PTGIS: variants seen among roughly 807,000 people sequenced by gnomAD.
PTGIS encodes prostacyclin synthase.
A neutral mutation model predicts 50.3 loss-of-function variants in PTGIS; 45 were observed. The observed-to-expected ratio is 0.90, with a 90% CI of 0.70 to 1.15. PTGIS has a LOEUF of 1.15. Among genes scored for constraint, PTGIS ranks in the 50% most tolerant of loss-of-function variants. The pLI is 0.00. For synonymous variants in PTGIS, 260 were observed against 267.7 expected, an observed-to-expected ratio of 0.97 and a Z score of 0.28; for missense variants, 668 against 661.3, an observed-to-expected ratio of 1.01 and a Z score of -0.11.
chr20:49,524,650 C>T (rs1003442310), intron 5 of PTGIS, among the ~76,000 whole-genome samples: 1 of 152,104 alleles, frequency 6.6e-6, no homozygotes, highest in African/African-American at 2.4e-5. Flanking sequence ...TTAATGGACT[C>T]ACAGTTCCAT....
chr20:49,554,935 A>G (rs1354677824), intron 1 of PTGIS, among the ~76,000 whole-genome samples: 1 of 152,204 alleles, frequency 6.6e-6, no homozygotes, highest in Non-Finnish European at 1.5e-5. Context: ...TGTATTTATT[A>G]GAGCTTATTA....
intron 1 of PTGIS, among the ~76,000 whole-genome samples, chr20:49,562,594 G>A (rs1386424721): frequency 2.6e-5 from 4 of 152,288 alleles, no homozygotes; most frequent in South Asian, 2.1e-4. Flanking sequence ...TTTAGGTACT[G>A]CCAGGCCCTG....
chr20:49,512,561 C>G (rs1205719504), intron 8 of PTGIS, among the ~76,000 whole-genome samples: 2 of 152,248 alleles, frequency 1.3e-5, no homozygotes, highest in East Asian at 1.9e-4. Context: ...AGTTTAGGGT[C>G]TGACACACAG....
rs542021244 is a variant in PTGIS at position 49,510,073 on chromosome 20, G to C, written c.1358+955C>G. ...CCGGCCAATTTTTGTATTTTTAGTA[G>C]AGACGGGGTTTCACCATGTTGGCTA... is the stretch of plus-strand genomic sequence containing the variant. On this transcript the variant is annotated intron_variant, in intron 9 of 9. Coordinates refer to ENST00000244043, the MANE Select transcript of PTGIS (RefSeq NM_000961.4). Among the ~76,000 whole-genome samples, 249 of 151,640 alleles carry C rather than the reference G, an allele frequency of 1.6e-3. 1 individual carries two copies. Among genetic ancestry groups the C allele is most frequent in the Non-Finnish European group, 3.0e-3 (203 of 67,944 alleles).
chr20:49,519,040 T>A (rs1052962211), intron 6 of PTGIS, among the ~76,000 whole-genome samples: 1 of 152,124 alleles, frequency 6.6e-6, no homozygotes, highest in African/African-American at 2.4e-5. Context: ...AGGGACATCA[T>A]GTCAATCAAT....
rs147534709 is a variant in PTGIS, at chr20:49,514,357, G to T, written c.894C>A (p.Phe298Leu). Residue 298 changes from phenylalanine to leucine, a missense_variant, in exon 7 of 10, where the codon TTC becomes TTA. By Grantham distance (22) the Phe-to-Leu change is conservative. Transcript: ENST00000244043. ...CCAGGGCTTCAGGATTCTTGAGAAG[G>T]AAGAGCAGGAGCCAGAAGGCAGCGG... is the stretch of plus-strand genomic sequence containing the variant. ...MGPAAFWLLL[F>L]LLKNPEALAA... The T allele has an allele frequency of 1.2e-6, 2 of 1,613,956 alleles. No homozygotes were observed. Among genetic ancestry groups the T allele is most frequent in the East Asian group, 2.2e-5 (1 of 44,898 alleles).
intron 2 of PTGIS, 110 bp from the exon 3 acceptor site, chr20:49,548,129 C>G: frequency 9.9e-7 from 1 of 1,009,326 alleles, no homozygotes; most frequent in Non-Finnish European, 1.5e-6. Flanking sequence ...GACAGTAACA[C>G]ACTATGTTCT....
rs1316831957 is a variant in PTGIS, at chr20:49,505,816, C to T, written c.*2104G>A. On this transcript the variant is annotated 3_prime_UTR_variant, in exon 10 of 10. Coordinates refer to ENST00000244043, the MANE Select transcript of PTGIS (RefSeq NM_000961.4). ...GGGTTTCCCTGGGGATATCCTGCCT[C>T]CTGCCAATCACAGCGTCTCTCTGGG... The T allele has an allele frequency of 1.3e-5, 2 of 152,518 alleles. No homozygotes were observed. The highest frequency in any genetic ancestry group is 6.5e-5 in the Admixed American group (1 of 15,276). 9.4% of individuals were successfully genotyped at this position (152,518 alleles called of 1,614,324 possible).
At chr20:49,548,355 G>C (rs1164647527) in intron 2 of PTGIS, among the ~76,000 whole-genome samples, 1 of 152,218 alleles carries the variant, frequency 6.6e-6, no homozygotes, top group Non-Finnish European at 1.5e-5. Context: ...CACCTGCCAT[G>C]ATTATCTTGG....
At position 49,507,891 on chromosome 20, in the gene PTGIS, C is replaced by T. The variant is rs373689951; in HGVS notation, c.*29G>A. The stretch of plus-strand genomic sequence containing the variant: ...CAGGCTGGGGCAGGCTGGGCAGAGG[C>T]GAGCACGTGGATCCATCTGCTCCCT... On this transcript the variant is annotated 3_prime_UTR_variant, in exon 10 of 10. Coordinates refer to ENST00000244043, the MANE Select transcript of PTGIS (RefSeq NM_000961.4). 1.1e-5 allele frequency: 18 copies of T among 1,607,144 alleles called. 1 individual carries two copies. Among genetic ancestry groups the T allele is most frequent in the Middle Eastern group, 1.7e-4 (1 of 6,044 alleles).
At position 49,507,326 on chromosome 20, in the gene PTGIS, G is replaced by T. The variant is rs1374992054; in HGVS notation, c.*594C>A. On this transcript the variant is annotated 3_prime_UTR_variant, in exon 10 of 10. Transcript: ENST00000244043. The stretch of plus-strand genomic sequence containing the variant: ...TGCACCGGGAATGCATCAGCCTTGG[G>T]GGAAGCTCTCCTGCATTTTCTCAAG... 3 of 186,150 alleles carry T rather than the reference G, an allele frequency of 1.6e-5. No individual in the cohort carries two copies. In the East Asian group the frequency reaches 4.0e-4, roughly 25 times the overall value. The allele number at this position is 186,150 out of a possible 1,614,324, so 11.5% of individuals were successfully genotyped here.
chr20:49,530,738 G>A (rs1008403437), intron 5 of PTGIS, among the ~76,000 whole-genome samples: 2 of 151,990 alleles, frequency 1.3e-5, no homozygotes, highest in Non-Finnish European at 2.9e-5. Context: ...CTGGTCCTTT[G>A]TCCATTTTGC....
intron 5 of PTGIS, among the ~76,000 whole-genome samples, chr20:49,527,289 CAAA>C (rs36033143): frequency 0.014 from 1,523 of 111,188 alleles, 26 homozygotes; most frequent in African/African-American, 0.038. Flanking sequence ...TACTAAAATA[CAAA>C]AAAAAAAAAA....
intron 5 of PTGIS, among the ~76,000 whole-genome samples, chr20:49,533,742 AG>A (rs1274800478): frequency 6.6e-6 from 1 of 152,078 alleles, no homozygotes; most frequent in African/African-American, 2.4e-5. Flanking sequence ...AGATCACTTG[AG>A]GTCAGGAGTT....
At chr20:49,556,750 A>T (rs746364744) in intron 1 of PTGIS, among the ~76,000 whole-genome samples, 2 of 152,216 alleles carry the variant, frequency 1.3e-5, no homozygotes, top group African/African-American at 2.4e-5. Context: ...TACACCTGTT[A>T]TTAGAGTCTA....
At chr20:49,522,173 A>C (rs2080750600) in intron 6 of PTGIS, among the ~76,000 whole-genome samples, 1 of 150,408 alleles carries the variant, frequency 6.6e-6, no homozygotes, top group Non-Finnish European at 1.5e-5. Context: ...ATCCAACTCT[A>C]CTCTGCAAGA....
chr20:49,531,612 G>C (rs1378609289), intron 5 of PTGIS, among the ~76,000 whole-genome samples: 1 of 152,088 alleles, frequency 6.6e-6, no homozygotes, highest in Non-Finnish European at 1.5e-5. Flanking sequence ...TGGGATTCCA[G>C]TACAATTTGC....
chr20:49,507,450 A>T lies in PTGIS; in HGVS notation c.*470T>A. ...TAGCTAGTTTAAGGATTATTGGGGG[A>T]CTGACTGCTGAATGACATCAATGGA... is the stretch of plus-strand genomic sequence containing the variant. On this transcript the variant is annotated 3_prime_UTR_variant, in exon 10 of 10. Transcript: ENST00000244043. 2 of 254,140 alleles carry T rather than the reference A, an allele frequency of 7.9e-6. No individual in the cohort carries two copies. Among genetic ancestry groups the T allele is most frequent in the South Asian group, 1.0e-4 (2 of 19,994 alleles). 15.7% of individuals were successfully genotyped at this position (254,140 alleles called of 1,614,324 possible).
At chr20:49,541,685 C>T (rs533509485) in intron 4 of PTGIS, among the ~76,000 whole-genome samples, 18 of 152,166 alleles carry the variant, frequency 1.2e-4, no homozygotes, top group Admixed American at 2.6e-4. Context: ...GAGCAGAGAT[C>T]GCGCCATTAT....
Sources: allele counts gnomAD v4.1 joint callset (sites outside exome capture counted in the v4.1 genomes callset), GRCh38; gene constraint gnomAD v4.1.1; transcripts MANE v1.5; gene names NCBI Gene and HGNC (gene_info 2026-07-23, HGNC 2026-07-21).